The following PLB1 variants were observed in gnomAD, a reference collection of about 807,000 sequenced individuals.
PLB1 encodes the protein phospholipase B1, membrane-associated.
PLB1 carries 242 observed loss-of-function variants against 227.4 expected under a neutral mutation model. That is an observed-to-expected ratio of 1.06 (90% CI 0.96 to 1.18). The LOEUF (loss-of-function observed/expected upper bound fraction) is 1.18. Ranked by LOEUF, PLB1 falls within the 50% of genes most tolerant of loss-of-function variation. PLB1 has a pLI of 0.00. For synonymous variants in PLB1, 757 were observed against 682.2 expected (o/e 1.11, Z -1.71); for missense variants, 1,858 against 1,816.3 (o/e 1.02, Z -0.42).
At chr2:28,529,934 G>A (rs1373494244) in intron 8 of PLB1, among the ~76,000 whole-genome samples, 155 bp downstream of exon 8, 5 of 152,204 alleles carry the variant, frequency 3.3e-5, no homozygotes, top group Admixed American at 2.6e-4. Context: ...ATTCTCTGGC[G>A]GTCATTAGAG....
intron 8 of PLB1, among the ~76,000 whole-genome samples, chr2:28,530,545 C>G (rs1670880145): frequency 1.3e-5 from 2 of 152,228 alleles, no homozygotes; most frequent in South Asian, 4.1e-4. Context: ...GTGGAGGCCT[C>G]TGTCACATAC....
At chr2:28,510,760 A>C (rs1055889434) in intron 1 of PLB1, among the ~76,000 whole-genome samples, 1 of 136,042 alleles carries the variant, frequency 7.4e-6, no homozygotes, top group African/African-American at 2.9e-5. Context: ...ATAGGCATGC[A>C]CCACCACACT....
intron 17 of PLB1, among the ~76,000 whole-genome samples, chr2:28,559,249 C>G (rs1183318187): frequency 3.3e-5 from 5 of 152,192 alleles, no homozygotes; most frequent in African/African-American, 1.2e-4. Context: ...TCAGCATTAC[C>G]TGGAAACTTG....
At chr2:28,534,784 A>C (rs1423620216) in intron 9 of PLB1, among the ~76,000 whole-genome samples, 2 of 151,978 alleles carry the variant, frequency 1.3e-5, no homozygotes, top group Non-Finnish European at 2.9e-5. Context: ...AACCCAGGAG[A>C]CAGAGGTTGC....
intron 14 of PLB1, 37 bp from the exon 15 acceptor site, chr2:28,548,823 A>G: frequency 6.2e-7 from 1 of 1,610,054 alleles, no homozygotes; most frequent in East Asian, 2.2e-5. Flanking sequence ...CTACCTGCAC[A>G]AAACTTCCCT....
intron 49 of PLB1, among the ~76,000 whole-genome samples, chr2:28,624,824 C>G (rs975287522): frequency 6.6e-6 from 1 of 152,144 alleles, no homozygotes; most frequent in Non-Finnish European, 1.5e-5. Flanking sequence ...TGACGGGATC[C>G]CAACCCGAGT....
intron 26 of PLB1, 43 bp from the exon 27 acceptor site, chr2:28,589,407 G>T: frequency 6.8e-7 from 1 of 1,462,326 alleles, no homozygotes; most frequent in Non-Finnish European, 9.6e-7. Flanking sequence ...CCGAGCAGAT[G>T]CAGAGAGGAC....
intron 44 of PLB1, among the ~76,000 whole-genome samples, chr2:28,614,832 A>G (rs752802395): frequency 6.6e-6 from 1 of 152,244 alleles, no homozygotes; most frequent in Non-Finnish European, 1.5e-5. Context: ...AGAGCCCAGT[A>G]GAATTTCACA....
chr2:28,542,862 G>A (rs897312655), intron 13 of PLB1, among the ~76,000 whole-genome samples: 3 of 152,138 alleles, frequency 2.0e-5, no homozygotes, highest in African/African-American at 7.2e-5. Context: ...GGTTTAAGAG[G>A]GTGAGGAGAA....
chr2:28,559,914 G>A (rs1233164046), intron 17 of PLB1, among the ~76,000 whole-genome samples: 4 of 151,910 alleles, frequency 2.6e-5, no homozygotes, highest in East Asian at 1.9e-4. Context: ...TCCATGCCTG[G>A]CTAATTTTTG....
chr2:28,580,726 A>G (rs1322859362), intron 23 of PLB1, among the ~76,000 whole-genome samples: 2 of 146,138 alleles, frequency 1.4e-5, no homozygotes, highest in Non-Finnish European at 3.0e-5. Flanking sequence ...AAAAAAAAAA[A>G]GCAAAGTTGC....
chr2:28,577,290 T>C (rs1222017307), intron 21 of PLB1, among the ~76,000 whole-genome samples: 1 of 152,180 alleles, frequency 6.6e-6, no homozygotes, highest in Non-Finnish European at 1.5e-5. Flanking sequence ...CTTGTCTCCA[T>C]TTTGTAGTCT....
At chr2:28,619,428 G>C (rs1353231834) in intron 46 of PLB1, among the ~76,000 whole-genome samples, 1 of 152,124 alleles carries the variant, frequency 6.6e-6, no homozygotes, top group Non-Finnish European at 1.5e-5. Flanking sequence ...GGAATCTGTG[G>C]CAAGGGGCAG....
At chr2:28,603,820 A>C (rs1255877113) in intron 39 of PLB1, 146 bp from the exon 40 acceptor site, 2 of 701,692 alleles carry the variant, frequency 2.9e-6, no homozygotes, top group East Asian at 2.7e-5. Flanking sequence ...GCCCCTGAGC[A>C]TGTGCGCCAG....
In PLB1 at chr2:28,603,954, C is replaced by T. The variant is rs369874929; in HGVS notation, c.2775-12C>T. 7.7e-5 allele frequency: 125 copies of T among 1,613,760 alleles called. 1 individual carries two copies. In the East Asian group the frequency reaches 8.0e-4, roughly 10 times the overall value. ...GAGCTCTGGGGCCTCCTGCCTCCCC[C>T]TCTTTGTGCAGCGTTTTGTGTAACT... On this transcript the variant is annotated splice_polypyrimidine_tract_variant and intron_variant, in intron 39 of 57. Coordinates refer to ENST00000327757, the MANE Select transcript of PLB1 (RefSeq NM_153021.5).
chr2:28,614,246 A>G, intron 44 of PLB1, 150 bp downstream of exon 44: 1 of 785,188 alleles, frequency 1.3e-6, no homozygotes, highest in Non-Finnish European at 2.1e-6. Flanking sequence ...AGGCTCCCGG[A>G]CCACGAAGCC....
chr2:28,535,606 C>T (rs981425410), intron 9 of PLB1, among the ~76,000 whole-genome samples: 4 of 152,274 alleles, frequency 2.6e-5, no homozygotes, highest in African/African-American at 9.6e-5. Context: ...TATAAGCTCT[C>T]CCTCGGTGGT....
intron 6 of PLB1, 152 bp downstream of exon 6, chr2:28,526,097 A>G (rs1670225046): frequency 1.2e-6 from 1 of 865,416 alleles, no homozygotes; most frequent in African/African-American, 1.7e-5. Context: ...ACAGATCAGG[A>G]AGCCAGGATA....
chr2:28,600,080 C>T (rs116824683), intron 35 of PLB1, among the ~76,000 whole-genome samples: 7,225 of 151,804 alleles, frequency 0.048, 564 homozygotes, highest in African/African-American at 0.16. Context: ...GCTAATTTTT[C>T]TGTAATTTTT....
Sources: gnomAD v4.1 joint callset for allele counts (sites outside exome capture counted in the v4.1 genomes callset) on GRCh38, gnomAD v4.1.1 for gene constraint, MANE v1.5 for transcripts, NCBI Gene and HGNC (gene_info 2026-07-23, HGNC 2026-07-21) for gene names.